TRPM3: variants seen among roughly 807,000 people sequenced by gnomAD.
TRPM3 encodes the protein transient receptor potential cation channel subfamily M member 3.
In TRPM3, 77 loss-of-function variants were observed where a neutral mutation model predicts 181.2. The observed-to-expected ratio is 0.42, with a 90% CI of 0.35 to 0.51. The LOEUF (loss-of-function observed/expected upper bound fraction) is 0.51. Among genes scored for constraint, TRPM3 ranks in the 20% least tolerant of loss-of-function variants. The probability of loss-of-function intolerance (pLI) is 0.01; values close to 1 mark genes in which losing one functional copy is unlikely to be tolerated. For missense variants in TRPM3, 1,759 were observed against 2,196.7 expected, an observed-to-expected ratio of 0.80 and a Z score of 3.98; for synonymous variants, 745 against 796.4, an observed-to-expected ratio of 0.94 and a Z score of 1.09.
chr9:70,808,305 T>C (rs951340760), intron 6 of TRPM3, among the ~76,000 whole-genome samples: 2 of 152,220 alleles, frequency 1.3e-5, no homozygotes, highest in African/African-American at 4.8e-5. Context: ...AATGTAAAAG[T>C]GTCTAAGAAG....
chr9:71,405,263 G>T (rs1176765707), intron 1 of TRPM3, among the ~76,000 whole-genome samples: 1 of 152,148 alleles, frequency 6.6e-6, no homozygotes, highest in South Asian at 2.1e-4. Context: ...TATATGCATG[G>T]CCTTATCCTA....
At chr9:70,859,993 T>C (rs2095484021) in intron 3 of TRPM3, among the ~76,000 whole-genome samples, 1 of 152,046 alleles carries the variant, frequency 6.6e-6, no homozygotes, top group African/African-American at 2.4e-5. Context: ...TGGAACAGAG[T>C]TGATTGTGGA....
At chr9:70,540,495 G>A (rs1176879928) in intron 25 of TRPM3, among the ~76,000 whole-genome samples, 1 of 152,132 alleles carries the variant, frequency 6.6e-6, no homozygotes, top group South Asian at 2.1e-4. Flanking sequence ...ACACTATAGA[G>A]AAAATTTGTA....
Position 70,591,197 on chromosome 9 carries a change from G to A in TRPM3, c.3057C>T (p.Asp1019=), listed in dbSNP as rs1183997219. Residue 1019 remains aspartate, a synonymous_variant, in exon 22 of 26, where the codon GAC becomes GAT. Coordinates refer to ENST00000677713, the MANE Select transcript of TRPM3 (RefSeq NM_001366145.2). The part of the protein sequence containing the change: ...YVMMIGKMMI[D]MMYFVIIMLV... ...GCATAATGATGACAAAGTACATCAT[G>A]TCTATCATCTGGAAGGGTGGGGAAG... The A allele has an allele frequency of 1.9e-6, 3 of 1,613,572 alleles. No individual in the cohort carries two copies. The African/African-American group carries it at 4.0e-5, about 22-fold the overall frequency.
At chr9:71,085,065 C>G (rs1246630967) in intron 1 of TRPM3, among the ~76,000 whole-genome samples, 1 of 152,024 alleles carries the variant, frequency 6.6e-6, no homozygotes, top group African/African-American at 2.4e-5. Flanking sequence ...GCTGAGATAA[C>G]TGGCCAGCCA....
intron 1 of TRPM3, among the ~76,000 whole-genome samples, chr9:71,089,190 G>T (rs1228638321): frequency 1.4e-5 from 2 of 146,454 alleles, no homozygotes; most frequent in Non-Finnish European, 3.0e-5. Context: ...TATGATACGT[G>T]AATATATATT....
chr9:71,204,878 C>T (rs1447992880), intron 1 of TRPM3, among the ~76,000 whole-genome samples: 2 of 152,156 alleles, frequency 1.3e-5, no homozygotes, highest in African/African-American at 2.4e-5. Flanking sequence ...GAATACTATG[C>T]AGCCATTTAA....
At chr9:70,641,592 G>A (rs896670730) in intron 9 of TRPM3, among the ~76,000 whole-genome samples, 2 of 152,208 alleles carry the variant, frequency 1.3e-5, no homozygotes, top group Non-Finnish European at 2.9e-5. Flanking sequence ...AGGTGGCTAA[G>A]TTTAAATTAA....
At chr9:70,811,358 G>A (rs2092003815) in intron 6 of TRPM3, 1 of 849,518 alleles carries the variant, frequency 1.2e-6, no homozygotes, top group Admixed American at 2.3e-5. Flanking sequence ...GGCAACTCAA[G>A]TTGCACAGTG....
chr9:70,910,683 T>C (rs1462755636), intron 1 of TRPM3, among the ~76,000 whole-genome samples: 1 of 152,170 alleles, frequency 6.6e-6, no homozygotes, highest in Non-Finnish European at 1.5e-5. Flanking sequence ...AACATGCAAC[T>C]GAAATGGCCA....
chr9:71,412,282 A>G (rs1374550775), intron 1 of TRPM3, among the ~76,000 whole-genome samples: 1 of 152,234 alleles, frequency 6.6e-6, no homozygotes, highest in Non-Finnish European at 1.5e-5. Context: ...TCTGCACAGC[A>G]AAAGAAACTA....
chr9:71,087,072 G>A (rs1434793222), intron 1 of TRPM3, among the ~76,000 whole-genome samples: 2 of 151,976 alleles, frequency 1.3e-5, no homozygotes, highest in African/African-American at 2.4e-5. Flanking sequence ...ACCATTGCTT[G>A]TCTCTTCGTG....
At chr9:71,288,220 A>G (rs1160537051) in intron 1 of TRPM3, among the ~76,000 whole-genome samples, 3 of 151,578 alleles carry the variant, frequency 2.0e-5, no homozygotes, top group African/African-American at 7.3e-5. Context: ...TAATTATGAT[A>G]TTAAAACAAA....
chr9:71,014,572 G>T (rs1446134857), intron 1 of TRPM3, among the ~76,000 whole-genome samples: 1 of 152,054 alleles, frequency 6.6e-6, no homozygotes, highest in Non-Finnish European at 1.5e-5. Context: ...GGCCTTCATT[G>T]TGTATCGTGG....
At chr9:70,803,615 A>T (rs1005587238) in intron 6 of TRPM3, among the ~76,000 whole-genome samples, 6 of 151,106 alleles carry the variant, frequency 4.0e-5, no homozygotes, top group Non-Finnish European at 7.4e-5. Context: ...CACCCGGCCA[A>T]TTTTTTTTGT....
chr9:71,031,988 T>A (rs77731943), intron 1 of TRPM3, among the ~76,000 whole-genome samples: 14 of 314 alleles, frequency 0.045, no homozygotes, highest in Admixed American at 0.083. Flanking sequence ...ATATATATAT[T>A]ATATATATAT....
chr9:71,162,380 G>T (rs551750867), intron 1 of TRPM3, among the ~76,000 whole-genome samples: 3 of 151,894 alleles, frequency 2.0e-5, no homozygotes, highest in African/African-American at 7.3e-5. Flanking sequence ...TGACAGACAG[G>T]ATATGACAAC....
At chr9:71,279,034 T>TAAAAAAAAAAAAAAAA (rs200421016) in intron 1 of TRPM3, among the ~76,000 whole-genome samples, 5 of 47,490 alleles carry the variant, frequency 1.1e-4, no homozygotes, top group African/African-American at 5.2e-4. Flanking sequence ...CCTGCTTAGG[T>TAAAAAAAAAAAAAAAA]TAAAAAAAAT....
intron 12 of TRPM3, among the ~76,000 whole-genome samples, chr9:70,633,939 T>C (rs1313903821): frequency 2.0e-5 from 3 of 152,146 alleles, no homozygotes; most frequent in Non-Finnish European, 2.9e-5. Flanking sequence ...TTCTGTTTTA[T>C]TTTTTGGAAT....
Sources: gnomAD v4.1 joint callset for allele counts (sites outside exome capture counted in the v4.1 genomes callset) on GRCh38, gnomAD v4.1.1 for gene constraint, MANE v1.5 for transcripts, NCBI Gene and HGNC (gene_info 2026-07-23, HGNC 2026-07-21) for gene names.